Variants in PJA2 observed in about 807,000 individuals in gnomAD.
The protein encoded by PJA2 is E3 ubiquitin-protein ligase Praja-2.
PJA2 carries 25 observed loss-of-function variants against 69.3 expected under a neutral mutation model. That is an observed-to-expected ratio of 0.36 (90% confidence interval 0.26 to 0.50). The LOEUF (loss-of-function observed/expected upper bound fraction) is 0.50, where lower values mean the gene tolerates loss of function less well. PJA2 is among the 20% of genes least tolerant of loss of function. PJA2 has a pLI of 0.96. For synonymous variants in PJA2, 308 were observed against 277.8 expected (o/e 1.11, Z -1.08); for missense variants, 809 against 830.2 (o/e 0.97, Z 0.31).
chr5:109,405,285 G>C (rs1747657592), intron 1 of PJA2, among the ~76,000 whole-genome samples: 1 of 152,158 alleles, frequency 6.6e-6, no homozygotes, highest in Admixed American at 6.5e-5. Context: ...AATGAAAGAA[G>C]ACCTACATAA....
chr5:109,382,825 G>A (rs1328686468), intron 2 of PJA2, among the ~76,000 whole-genome samples: 1 of 150,108 alleles, frequency 6.7e-6, no homozygotes, highest in Non-Finnish European at 1.5e-5. Flanking sequence ...TCCAGCTTGG[G>A]TGACAGTTCG....
Position 109,345,427 on chromosome 5 carries a change from G to A in PJA2, c.1765-608C>T, listed in dbSNP as rs933909685. Among the ~76,000 whole-genome samples, 4 of 142,882 alleles carry A rather than the reference G, an allele frequency of 2.8e-5. No individual in the cohort carries two copies. In the South Asian group the frequency reaches 9.1e-4, roughly 32 times the overall value. The allele number at this position is 142,882 out of a possible 152,430, so 93.7% of individuals were successfully genotyped here. A position where few individuals can be genotyped will look rare whatever the true frequency, so the allele number is the denominator to read the frequency against. ...AGCTACTGGGGAGACTGAGGCAGGA[G>A]AATCGCTTGATCCTGGGAGGCAGAG... On this transcript the variant is annotated intron_variant, in intron 7 of 9. Transcript: ENST00000361189.
rs751727276 is a variant in PJA2 at position 109,379,260 on chromosome 5, T to A, written c.233-6A>T. Reference sequence around the variant, plus strand: ...TTGATCCAAAGGACTGGAACCTTCATAAAAAACAAAAGAAAACATATTTTA... The same window carrying A: ...TTGATCCAAAGGACTGGAACCTTCAAAAAAAACAAAAGAAAACATATTTTA... On this transcript the variant is annotated splice_polypyrimidine_tract_variant and splice_region_variant and intron_variant, in intron 3 of 9. Coordinates refer to ENST00000361189, the MANE Select transcript of PJA2 (RefSeq NM_014819.5). The A allele has an allele frequency of 6.4e-7, 1 of 1,563,420 alleles. No homozygotes were observed.
In PJA2 at chr5:109,381,238, T is replaced by C. The variant is rs1582616201; in HGVS notation, c.232+265A>G. 2.6e-5 allele frequency among the ~76,000 whole-genome samples: 4 copies of C among 152,302 alleles called. No individual in the cohort carries two copies. The South Asian group carries it at 6.2e-4, about 24-fold the overall frequency. On this transcript the variant is annotated intron_variant, in intron 3 of 9. Coordinates refer to ENST00000361189, the MANE Select transcript of PJA2 (RefSeq NM_014819.5). ...CTTTTTGATTCAAAGATGATTTCCT[T>C]TGGCTGGAGGTTATGACAACGTAAT...
intron 7 of PJA2, among the ~76,000 whole-genome samples, chr5:109,346,302 C>G (rs1264156989): frequency 6.6e-6 from 1 of 152,216 alleles, no homozygotes; most frequent in African/African-American, 2.4e-5. Context: ...GGCCTCCCCT[C>G]CTGGTTGGAG....
rs1045706 is a variant in PJA2 at position 109,378,597 on chromosome 5, T to C, written c.890A>G (p.Gln297Arg). The change falls in exon 4 of 10, where the codon CAA becomes CGA. Residue 297 changes from glutamine (Q) to arginine (R), a missense_variant. Gln to Arg is a conservative substitution (Grantham distance 43). Around this residue, in one of 4 missense-constraint regions of PJA2, gnomAD observed 700 missense variants for 639.5 expected, o/e 1.09. Coordinates refer to ENST00000361189, the MANE Select transcript of PJA2 (RefSeq NM_014819.5). Reference sequence around the variant, plus strand: ...GTTCTTTTCCCTATCATTGGTATTTTGTTCACTACAAATATGCCCTGGACC... The same window carrying C: ...GTTCTTTTCCCTATCATTGGTATTTCGTTCACTACAAATATGCCCTGGACC... ...ACGPGHICSE[Q>R]NTNDREKNHG... The C allele has an allele frequency of 0.55, 883,759 of 1,613,936 alleles. 256,434 individuals are homozygous for C. The highest frequency in any genetic ancestry group is 0.6 in the Middle Eastern group (3,613 of 6,062).
chr5:109,354,090 A>G (rs994168558), intron 7 of PJA2, among the ~76,000 whole-genome samples: 1 of 50,638 alleles, frequency 2.0e-5, no homozygotes, highest in East Asian at 2.5e-4. Flanking sequence ...TTAGATATCT[A>G]TATCTAGAGA....
intron 6 of PJA2, among the ~76,000 whole-genome samples, chr5:109,360,568 C>T (rs891021489): frequency 6.6e-6 from 1 of 152,172 alleles, no homozygotes; most frequent in Non-Finnish European, 1.5e-5. Flanking sequence ...ACCACATTTT[C>T]ACCTTATCAA....
At position 109,338,064 on chromosome 5, in the gene PJA2, C is replaced by A. The variant is rs114775338; in HGVS notation, c.2002-708G>T. Among the ~76,000 whole-genome samples, 349 of 152,104 alleles carry A rather than the reference C, an allele frequency of 2.3e-3. 2 individuals are homozygous for A. Among genetic ancestry groups the A allele is most frequent in the African/African-American group, 7.7e-3 (320 of 41,488 alleles). On this transcript the variant is annotated intron_variant, in intron 9 of 9. Coordinates refer to ENST00000361189, the MANE Select transcript of PJA2 (RefSeq NM_014819.5). ...AGCACAACATTCTAGGACCAATGGACGATTATAGAGCTACGTTATCTGATA... is the reference window on the plus strand; with the variant it reads ...AGCACAACATTCTAGGACCAATGGAAGATTATAGAGCTACGTTATCTGATA...
intron 7 of PJA2, among the ~76,000 whole-genome samples, chr5:109,348,515 T>A (rs908183640): frequency 2.0e-5 from 3 of 152,150 alleles, no homozygotes; most frequent in African/African-American, 7.2e-5. Context: ...TAACTTTGAA[T>A]CCCCAAGTCA....
intron 5 of PJA2, among the ~76,000 whole-genome samples, chr5:109,365,909 G>C (rs545271069): frequency 2.4e-4 from 36 of 152,216 alleles, no homozygotes; most frequent in African/African-American, 8.4e-4. Context: ...AAACCTTGAA[G>C]GTTTTCTCAA....
intron 1 of PJA2, among the ~76,000 whole-genome samples, chr5:109,399,993 G>A (rs931210664): frequency 6.6e-6 from 1 of 152,090 alleles, no homozygotes; most frequent in Non-Finnish European, 1.5e-5. Context: ...CTTTTAGTGA[G>A]CTCAAGATAA....
At chr5:109,342,536 T>C (rs1375427631) in intron 9 of PJA2, among the ~76,000 whole-genome samples, 3,790 of 24,640 alleles carry the variant, frequency 0.15, 1 homozygote, top group African/African-American at 0.22. Context: ...GGGGGTCAGC[T>C]CCCCCACCCG....
chr5:109,406,971 T>C (rs1484776799), intron 1 of PJA2, among the ~76,000 whole-genome samples: 18 of 152,206 alleles, frequency 1.2e-4, no homozygotes, highest in Admixed American at 1.2e-3. Context: ...CATGAAATTC[T>C]AGACAAAATG....
chr5:109,394,039 C>CTTTTTTTTTTTTT (rs75679188), intron 1 of PJA2, among the ~76,000 whole-genome samples: 2 of 81,858 alleles, frequency 2.4e-5, no homozygotes, highest in Non-Finnish European at 4.9e-5. Flanking sequence ...TTCTAATTCT[C>CTTTTTTTTTTTTT]TTTTTTTTTT....
At chr5:109,382,585 T>C (rs12522815) in intron 2 of PJA2, among the ~76,000 whole-genome samples, 66,349 of 151,968 alleles carry the variant, frequency 0.44, 17,793 homozygotes, top group Middle Eastern at 0.61. Flanking sequence ...TGGTGGCTCA[T>C]GCCTGTAATC....
Position 109,374,354 on chromosome 5 carries a change from T to G in PJA2, c.1283+3850A>C, listed in dbSNP as rs556279445. Among the ~76,000 whole-genome samples the G allele has an allele frequency of 4.6e-5, 7 of 152,358 alleles. No homozygotes were observed. The East Asian group carries it at 7.7e-4, about 17-fold the overall frequency. On this transcript the variant is annotated intron_variant, in intron 4 of 9. Coordinates refer to ENST00000361189, the MANE Select transcript of PJA2 (RefSeq NM_014819.5). ...ATGTCAGCACATATGCTTTAAGATC[T>G]GTGCCTTGGCTGCATATAGATGTTT... is the stretch of plus-strand genomic sequence containing the variant.
At position 109,337,315 on chromosome 5, in the gene PJA2, C is replaced by T. The variant is rs370110163; in HGVS notation, c.2043G>A (p.Ala681=). 3.3e-5 allele frequency: 54 copies of T among 1,612,366 alleles called. No individual in the cohort carries two copies. Among genetic ancestry groups the T allele is most frequent in the Non-Finnish European group, 4.2e-5 (49 of 1,179,456 alleles). ...CPVCRRHFPP[A]VIEASAAPSS... is the part of the protein sequence containing the mutation. ...AAGGAGCTGCAGATGCTTCAATAAC[C>T]GCAGGTGGGAAATGACGGCGGCACA... The change falls in exon 10 of 10, where the codon GCG becomes GCA. Residue 681 remains alanine (A), a synonymous_variant. Coordinates refer to ENST00000361189, the MANE Select transcript of PJA2 (RefSeq NM_014819.5).
At chr5:109,345,553 C>A (rs1278483146) in intron 7 of PJA2, among the ~76,000 whole-genome samples, 1 of 146,760 alleles carries the variant, frequency 6.8e-6, no homozygotes, top group Non-Finnish European at 1.5e-5. Flanking sequence ...TCTCAATAAT[C>A]ATCTACTTCT....
Sources: allele counts gnomAD v4.1 joint callset (sites outside exome capture counted in the v4.1 genomes callset), GRCh38; gene constraint gnomAD v4.1.1; regional missense constraint gnomAD v4.1.1; transcripts MANE v1.5; gene names NCBI Gene and HGNC (gene_info 2026-07-23, HGNC 2026-07-21).